Variants in LYPD1 observed in about 807,000 individuals in gnomAD.
The protein encoded by LYPD1 is ly6/PLAUR domain-containing protein 1.
Under a neutral mutation model 14.2 loss-of-function variants are expected in LYPD1, and 14 were observed. That is an observed-to-expected ratio of 0.99 (90% CI 0.65 to 1.54). LYPD1 has a LOEUF of 1.54. Among genes scored for constraint, LYPD1 ranks in the 40% most tolerant of loss-of-function variants. The pLI, the probability that LYPD1 is intolerant of heterozygous loss-of-function variation, is 0.00. For missense variants in LYPD1, 165 were observed against 175.7 expected (o/e 0.94, Z 0.34); for synonymous variants, 85 against 70.6 (o/e 1.20, Z -1.02).
rs904993874 is a variant in LYPD1, at chr2:132,669,025, G to A, written c.53-488C>T. 2.1e-4 allele frequency among the ~76,000 whole-genome samples: 32 copies of A among 152,350 alleles called. No individual in the cohort carries two copies. The highest frequency in any genetic ancestry group is 6.7e-4 in the African/African-American group (28 of 41,580). ...TTTAAAGTCAGCGTTTCTGTGCCAG[G>A]GCTCTGAGGATCCCTGAGCGACCAC... is the stretch of plus-strand genomic sequence containing the variant. On this transcript the variant is annotated intron_variant, in intron 1 of 2. Transcript: ENST00000397463. The surrounding 1 kb of genome is among the most constrained non-coding windows in gnomAD (Gnocchi z 4.3).
Position 132,645,628 on chromosome 2 carries a change from A to G in LYPD1, c.*417T>C, listed in dbSNP as rs1235051562. ...TTGAATGTCAAGCGAGGGAGCCTTG[A>G]GTGGGAACTGGCCCTCCAGCCCTAA... On this transcript the variant is annotated 3_prime_UTR_variant, in exon 3 of 3. Transcript: ENST00000397463. 1.3e-6 allele frequency: 2 copies of G among 1,597,138 alleles called. No individual in the cohort carries two copies. The highest frequency in any genetic ancestry group is 1.7e-5 in the Admixed American group (1 of 57,994).
chr2:132,650,729 A>AAAAAAAC (rs1558876244), intron 2 of LYPD1, among the ~76,000 whole-genome samples: 1 of 136,046 alleles, frequency 7.4e-6, no homozygotes, highest in African/African-American at 3.6e-5. Context: ...AAAAAAAAAC[A>AAAAAAAC]AAAAACAAAA....
intron 2 of LYPD1, among the ~76,000 whole-genome samples, chr2:132,664,057 G>A (rs1026665579): frequency 1.3e-5 from 2 of 151,980 alleles, no homozygotes; most frequent in African/African-American, 4.8e-5. Flanking sequence ...GTGTGTGTGT[G>A]TGCACATATG....
In LYPD1 at chr2:132,669,303, C is replaced by A. The variant is rs1683488216; in HGVS notation, c.52+578G>T. Among the ~76,000 whole-genome samples, 1 of 152,048 alleles carries A rather than the reference C, an allele frequency of 6.6e-6. No individual in the cohort carries two copies. Among genetic ancestry groups the A allele is most frequent in the African/African-American group, 2.4e-5 (1 of 41,396 alleles). On this transcript the variant is annotated intron_variant, in intron 1 of 2. Coordinates refer to ENST00000397463, the MANE Select transcript of LYPD1 (RefSeq NM_144586.7). The surrounding 1 kb of genome is among the most constrained non-coding windows in gnomAD (Gnocchi z 4.3). ...GGGTTCCAGCTCTGCAGAGCTTAGTCGGGAGCCAGTAGGCGAACTGGAGAG... is the reference window on the plus strand; with the variant it reads ...GGGTTCCAGCTCTGCAGAGCTTAGTAGGGAGCCAGTAGGCGAACTGGAGAG...
chr2:132,655,030 C>T (rs1379887498), intron 2 of LYPD1, among the ~76,000 whole-genome samples: 2 of 152,034 alleles, frequency 1.3e-5, no homozygotes, highest in Admixed American at 1.3e-4. Flanking sequence ...CGGAGCCCGG[C>T]CTCTCTCTCC....
chr2:132,657,304 T>A (rs1390745066), intron 2 of LYPD1, among the ~76,000 whole-genome samples: 1 of 152,208 alleles, frequency 6.6e-6, no homozygotes, highest in Non-Finnish European at 1.5e-5. Context: ...TTAGCTGGTG[T>A]CTTTGTTCTC....
At chr2:132,665,777 A>C (rs1230682333) in intron 2 of LYPD1, among the ~76,000 whole-genome samples, 1 of 152,234 alleles carries the variant, frequency 6.6e-6, no homozygotes, top group Non-Finnish European at 1.5e-5. Flanking sequence ...ACCCATGGCC[A>C]GATATACCAC....
At chr2:132,664,019 G>A (rs1015761490) in intron 2 of LYPD1, among the ~76,000 whole-genome samples, 5 of 152,072 alleles carry the variant, frequency 3.3e-5, no homozygotes, top group Non-Finnish European at 4.4e-5. Flanking sequence ...AAATGGAAAA[G>A]TATATCCACA....
rs1681960906 is a variant in LYPD1 at position 132,644,775 on chromosome 2, T to C, written c.*1270A>G. On this transcript the variant is annotated 3_prime_UTR_variant, in exon 3 of 3. Transcript: ENST00000397463. ...GACAAAACCAGATTTATGGATAACA[T>C]GAACTGCTTTCTGGATACGCAAACA... 1.1e-5 allele frequency: 3 copies of C among 283,832 alleles called. No individual in the cohort carries two copies. Among genetic ancestry groups the C allele is most frequent in the East Asian group, 7.8e-5 (1 of 12,842 alleles). The allele number at this position is 283,832 out of a possible 1,614,324, so 17.6% of individuals were successfully genotyped here. A position where few individuals can be genotyped will look rare whatever the true frequency, so the allele number is the denominator to read the frequency against.
intron 2 of LYPD1, among the ~76,000 whole-genome samples, chr2:132,647,867 G>GAAAC (rs1682188652): frequency 6.6e-6 from 1 of 152,184 alleles, no homozygotes; most frequent in South Asian, 2.1e-4. Flanking sequence ...GGGTGCTATA[G>GAAAC]AAACATTAAG....
upstream of LYPD1, among the ~76,000 whole-genome samples, chr2:132,670,530 T>C (rs1020955122): frequency 6.6e-6 from 1 of 152,076 alleles, no homozygotes; most frequent in Admixed American, 6.5e-5. This position sits in a 1 kb window ranked among gnomAD's most constrained non-coding sequence, Gnocchi z 4.5. Context: ...GGCTGGCCCT[T>C]CGCACATAGG....
upstream of LYPD1, chr2:132,671,378 C>G (rs1199353973): frequency 6.6e-6 from 1 of 152,476 alleles, no homozygotes; most frequent in Non-Finnish European, 1.5e-5. Context: ...AGCTCCTCTT[C>G]ACCCTTTTCT....
At chr2:132,647,378 C>T (rs1036668396) in intron 2 of LYPD1, among the ~76,000 whole-genome samples, 1 of 152,156 alleles carries the variant, frequency 6.6e-6, no homozygotes, top group African/African-American at 2.4e-5. Context: ...CAAAAATAAC[C>T]GGGGATTTTT....
At chr2:132,662,562 T>TTAGG (rs1683012630) in intron 2 of LYPD1, among the ~76,000 whole-genome samples, 1 of 122,298 alleles carries the variant, frequency 8.2e-6, no homozygotes, top group Non-Finnish European at 1.5e-5. Flanking sequence ...AGTTGGTCAA[T>TTAGG]TAGGAAGGAA....
rs149569649 is a variant in LYPD1, at chr2:132,644,239, T to G, written c.*1806A>C. Among the ~76,000 whole-genome samples, 62 of 152,358 alleles carry G rather than the reference T, an allele frequency of 4.1e-4. No individual in the cohort carries two copies. Among genetic ancestry groups the G allele is most frequent in the African/African-American group, 1.3e-3 (55 of 41,592 alleles). On this transcript the variant is annotated 3_prime_UTR_variant, in exon 3 of 3. Transcript: ENST00000397463. ...AAGTTGGAATACAAATATGTGGGCATGCAAACAAATGTACATGCAGTAAAC... is the reference window on the plus strand; with the variant it reads ...AAGTTGGAATACAAATATGTGGGCAGGCAAACAAATGTACATGCAGTAAAC...
At chr2:132,651,313 A>G (rs1258557013) in intron 2 of LYPD1, among the ~76,000 whole-genome samples, 1 of 152,162 alleles carries the variant, frequency 6.6e-6, no homozygotes, top group East Asian at 1.9e-4. Flanking sequence ...GGGAATGACC[A>G]CTCTCAAGAA....
upstream of LYPD1, chr2:132,671,520 C>T (rs768536197): frequency 6.6e-6 from 1 of 152,202 alleles, no homozygotes; most frequent in Non-Finnish European, 1.5e-5. Flanking sequence ...GAGATCGTTC[C>T]ATATCTGCCT....
At chr2:132,664,460 TA>T (rs1302936867) in intron 2 of LYPD1, among the ~76,000 whole-genome samples, 1 of 152,220 alleles carries the variant, frequency 6.6e-6, no homozygotes, top group African/African-American at 2.4e-5. Context: ...AAATAGCCAT[TA>T]CTTACACAGC....
intron 2 of LYPD1, among the ~76,000 whole-genome samples, chr2:132,653,383 A>T (rs1314123124): frequency 6.6e-6 from 1 of 152,248 alleles, no homozygotes; most frequent in Non-Finnish European, 1.5e-5. Flanking sequence ...AAATAATGAT[A>T]GTATTGGATT....
Sources: gnomAD v4.1 joint callset for allele counts (sites outside exome capture counted in the v4.1 genomes callset) on GRCh38, gnomAD v4.1.1 for gene constraint, Gnocchi (gnomAD v3.1) non-coding constraint, MANE v1.5 for transcripts, NCBI Gene and HGNC (gene_info 2026-07-23, HGNC 2026-07-21) for gene names.